The following TENM4 variants were observed in gnomAD, a reference collection of about 807,000 sequenced individuals.
TENM4 encodes the protein teneurin transmembrane protein 4.
In TENM4, 82 loss-of-function variants were observed where a neutral mutation model predicts 243.3. The ratio of observed to expected loss-of-function variants is 0.34; its 90% confidence interval spans 0.28 to 0.40. TENM4 has a LOEUF of 0.40. Among genes scored for constraint, TENM4 ranks in the 10% least tolerant of loss-of-function variants. TENM4 has a pLI of 1.00. For missense variants in TENM4, 3,138 were observed against 3,673.3 expected (o/e 0.85, Z 3.77); for synonymous variants, 1,412 against 1,456.3 (o/e 0.97, Z 0.69).
intron 1 of TENM4, among the ~76,000 whole-genome samples, chr11:79,302,988 A>C (rs1856573718): frequency 6.6e-6 from 1 of 152,174 alleles, no homozygotes; most frequent in Admixed American, 6.5e-5. Context: ...CCTATTATGG[A>C]GGGCTTAGGA....
At chr11:78,722,997 A>G in intron 23 of TENM4, 80 bp from the exon 24 acceptor site, 1 of 1,565,010 alleles carries the variant, frequency 6.4e-7, no homozygotes, top group Non-Finnish European at 8.7e-7. Context: ...GAGTCACCTG[A>G]TTTTGCAAGG....
intron 3 of TENM4, among the ~76,000 whole-genome samples, chr11:79,164,872 C>T (rs547426939): frequency 1.7e-4 from 25 of 151,446 alleles, no homozygotes; most frequent in East Asian, 3.9e-4. Flanking sequence ...CCATGTGGAA[C>T]GGTAAGTCCA....
chr11:78,932,967 CT>C (rs1286913415), intron 6 of TENM4, among the ~76,000 whole-genome samples: 1 of 152,146 alleles, frequency 6.6e-6, no homozygotes, highest in Admixed American at 6.5e-5. Context: ...GGGACTCTTG[CT>C]TTACAGAACT....
intron 1 of TENM4, among the ~76,000 whole-genome samples, chr11:79,401,556 A>C (rs573543806): frequency 6.6e-6 from 1 of 152,374 alleles, no homozygotes; most frequent in African/African-American, 2.4e-5. Flanking sequence ...AGGGTGTCAG[A>C]AAAAGAAAAC....
At chr11:79,224,975 A>T (rs1203688630) in intron 2 of TENM4, among the ~76,000 whole-genome samples, 3 of 151,940 alleles carry the variant, frequency 2.0e-5, no homozygotes, top group Non-Finnish European at 4.4e-5. Context: ...GAGGGGGGAA[A>T]TTAGGACACA....
intron 3 of TENM4, among the ~76,000 whole-genome samples, chr11:79,150,457 G>A (rs1323527373): frequency 6.6e-6 from 1 of 152,090 alleles, no homozygotes; most frequent in Non-Finnish European, 1.5e-5. Flanking sequence ...CCATGACCTT[G>A]TCCCCTGTCC....
intron 2 of TENM4, among the ~76,000 whole-genome samples, chr11:79,237,772 G>A (rs898685885): frequency 5.3e-5 from 8 of 152,182 alleles, no homozygotes; most frequent in Admixed American, 3.3e-4. Context: ...TGCAGTGCAC[G>A]GCCAAATAGA....
intron 6 of TENM4, among the ~76,000 whole-genome samples, chr11:78,986,644 A>C (rs1894001): frequency 0.04 from 6,098 of 150,972 alleles, 238 homozygotes; most frequent in African/African-American, 0.095. Context: ...GCTCACTGCA[A>C]CCTCCGCCTC....
chr11:79,101,133 G>A (rs922652464), intron 4 of TENM4, among the ~76,000 whole-genome samples: 1 of 152,162 alleles, frequency 6.6e-6, no homozygotes, highest in African/African-American at 2.4e-5. Flanking sequence ...GTGGCATCAT[G>A]TTCTGTTTCT....
intron 3 of TENM4, among the ~76,000 whole-genome samples, chr11:79,158,742 G>T (rs1317777396): frequency 6.6e-6 from 1 of 152,182 alleles, no homozygotes; most frequent in African/African-American, 2.4e-5. Flanking sequence ...AGGTATCTGA[G>T]GCTTAGGGAT....
intron 2 of TENM4, among the ~76,000 whole-genome samples, chr11:79,259,123 G>T (rs1164712048): frequency 6.6e-6 from 1 of 152,232 alleles, no homozygotes; most frequent in Non-Finnish European, 1.5e-5. Context: ...TAGGACAGAA[G>T]TAGGTGTGCC....
chr11:78,715,100 T>C (rs1282006619), intron 25 of TENM4, among the ~76,000 whole-genome samples: 4 of 152,230 alleles, frequency 2.6e-5, no homozygotes, highest in Non-Finnish European at 5.9e-5. Flanking sequence ...ATTCGCATTA[T>C]TTAGCTCTTC....
chr11:79,318,532 G>A (rs919435661), intron 1 of TENM4, among the ~76,000 whole-genome samples: 4 of 152,142 alleles, frequency 2.6e-5, no homozygotes, highest in Non-Finnish European at 5.9e-5. Flanking sequence ...CTCCAACCAT[G>A]GCTGGTTTCA....
rs374225713 is a variant in TENM4 at position 79,022,347 on chromosome 11, C to T, written c.493+42391G>A. On this transcript the variant is annotated intron_variant, in intron 6 of 33. Coordinates refer to ENST00000278550, the MANE Select transcript of TENM4 (RefSeq NM_001098816.3). The stretch of plus-strand genomic sequence containing the variant: ...TTTTTCATTCCGTGACCCTGTGGTG[C>T]CCTTCTCTACAGCTGTTCATCCACA... Among the ~76,000 whole-genome samples, 184 of 152,294 alleles carry T rather than the reference C, an allele frequency of 1.2e-3. 4 individuals are homozygous for T. In the South Asian group the frequency reaches 0.034, roughly 28 times the overall value.
intron 7 of TENM4, among the ~76,000 whole-genome samples, chr11:78,896,124 C>T (rs1414710053): frequency 6.6e-6 from 1 of 152,220 alleles, no homozygotes; most frequent in Non-Finnish European, 1.5e-5. Context: ...CTCAGGACCG[C>T]CCTGATCAAC....
intron 12 of TENM4, among the ~76,000 whole-genome samples, chr11:78,836,509 A>C (rs568732666): frequency 1.3e-5 from 2 of 152,344 alleles, no homozygotes; most frequent in African/African-American, 4.8e-5. Context: ...ATGGTATGTC[A>C]TTGTGTTCAG....
chr11:79,295,253 G>A (rs1856429887), intron 2 of TENM4, among the ~76,000 whole-genome samples: 1 of 152,172 alleles, frequency 6.6e-6, no homozygotes, highest in Non-Finnish European at 1.5e-5. Flanking sequence ...TCTTGGCTCA[G>A]GAAAGATAAT....
chr11:79,360,487 T>C (rs1373182412), intron 1 of TENM4, among the ~76,000 whole-genome samples: 6 of 152,200 alleles, frequency 3.9e-5, no homozygotes, highest in Admixed American at 2.6e-4. Flanking sequence ...TTGTCATCAA[T>C]GGTATGACCA....
At chr11:79,161,108 G>A (rs1158389262) in intron 3 of TENM4, among the ~76,000 whole-genome samples, 1 of 152,170 alleles carries the variant, frequency 6.6e-6, no homozygotes, top group Non-Finnish European at 1.5e-5. Flanking sequence ...AGAACCTTGT[G>A]AAGTAGAACA....
Sources: allele counts gnomAD v4.1 joint callset (sites outside exome capture counted in the v4.1 genomes callset), GRCh38; gene constraint gnomAD v4.1.1; transcripts MANE v1.5; gene names NCBI Gene and HGNC (gene_info 2026-07-23, HGNC 2026-07-21).